Variants in ABHD12 observed in about 807,000 individuals in gnomAD.
ABHD12 encodes abhydrolase domain containing 12, lysophospholipase, also known as lysophosphatidylserine lipase ABHD12.
Under a neutral mutation model 58.3 loss-of-function variants are expected in ABHD12, and 43 were observed. That is an observed-to-expected ratio of 0.74 (90% CI 0.58 to 0.95). ABHD12 has a LOEUF of 0.95. Among genes scored for constraint, ABHD12 ranks in the 40% least tolerant of loss-of-function variants. ABHD12 has a pLI of 0.00. For synonymous variants in ABHD12, 219 were observed against 211.2 expected (o/e 1.04, Z -0.32); for missense variants, 539 against 537.2 (o/e 1.00, Z -0.03).
chr20:25,295,124 C>G (rs1887708207), intron 12 of ABHD12: 1 of 1,328,276 alleles, frequency 7.5e-7, no homozygotes. Context: ...TTTGTAGATT[C>G]ATAAATCTGG....
intron 11 of ABHD12, chr20:25,303,188 T>C (rs1195506815): frequency 2.5e-6 from 3 of 1,177,810 alleles, no homozygotes; most frequent in South Asian, 1.6e-5. Flanking sequence ...CTTCAGCCCA[T>C]AACTGATGAG....
intron 1 of ABHD12, among the ~76,000 whole-genome samples, chr20:25,371,462 AT>A (rs2089899310): frequency 1.3e-5 from 2 of 152,134 alleles, no homozygotes; most frequent in African/African-American, 4.8e-5. Flanking sequence ...AACCCTATTC[AT>A]CTCTCTTCAG....
At chr20:25,296,408 C>T (rs201327714), downstream of ABHD12, 236 of 1,614,076 alleles carry the variant, frequency 1.5e-4, no homozygotes, top group South Asian at 1.9e-3. Context: ...TCAGGAACAT[C>T]GCCTGCTCGG....
At chr20:25,315,082 G>A (rs2088935025) in intron 5 of ABHD12, 112 bp from the exon 6 acceptor site, 12 of 1,131,446 alleles carry the variant, frequency 1.1e-5, no homozygotes, top group Middle Eastern at 1.9e-4. Context: ...TGTACGTAGT[G>A]GCAGCTTCAT....
At chr20:25,322,379 A>ATTTTTTTTTT (rs1290185808) in intron 3 of ABHD12, among the ~76,000 whole-genome samples, 1 of 53,718 alleles carries the variant, frequency 1.9e-5, no homozygotes, top group Non-Finnish European at 3.7e-5. Flanking sequence ...ATATATATAT[A>ATTTTTTTTTT]TATTTTTTTT....
At chr20:25,385,092 C>T (rs1166208350) in intron 1 of ABHD12, among the ~76,000 whole-genome samples, 1 of 152,144 alleles carries the variant, frequency 6.6e-6, no homozygotes, top group Non-Finnish European at 1.5e-5. Flanking sequence ...AATCCCAACA[C>T]TTTGGGAGGC....
At chr20:25,366,888 C>A (rs2089829459) in intron 1 of ABHD12, among the ~76,000 whole-genome samples, 1 of 152,180 alleles carries the variant, frequency 6.6e-6, no homozygotes, top group African/African-American at 2.4e-5. Context: ...GAGCTGAGCA[C>A]TGTAGCATGG....
chr20:25,303,636 A>T lies in ABHD12; in HGVS notation c.951-8T>A. 2 of 1,613,446 alleles carry T rather than the reference A, an allele frequency of 1.2e-6. No homozygotes were observed. The highest frequency in any genetic ancestry group is 1.7e-6 in the Non-Finnish European group (2 of 1,179,942). ...CAGGAGATGTGCTTCACGCTGTAGG[A>T]GGGAGAAGGGGCTAGACCAAGACCA... On this transcript the variant is annotated splice_polypyrimidine_tract_variant and splice_region_variant and intron_variant, in intron 10 of 12. Coordinates refer to ENST00000339157, the MANE Select transcript of ABHD12 (RefSeq NM_001042472.3).
Position 25,308,447 on chromosome 20 carries a change from AG to A in ABHD12, c.787+9del. On this transcript the variant is annotated intron_variant, in intron 8 of 12. Transcript: ENST00000339157. ...TCACTGCCACGGCTGGGGCCCAACA[AG>A]GCACTCACCTCGCTCACAGAGGCGC... The A allele has an allele frequency of 6.2e-7, 1 of 1,611,096 alleles. No individual in the cohort carries two copies. Among genetic ancestry groups the A allele is most frequent in the Non-Finnish European group, 8.5e-7 (1 of 1,178,942 alleles).
chr20:25,359,217 C>T (rs959732443), intron 1 of ABHD12, among the ~76,000 whole-genome samples: 9 of 150,880 alleles, frequency 6.0e-5, no homozygotes, highest in Non-Finnish European at 1.0e-4. Context: ...GTCAGGAGAT[C>T]GAGACCATCC....
intron 6 of ABHD12, among the ~76,000 whole-genome samples, chr20:25,310,901 T>C (rs1220737934): frequency 1.3e-5 from 2 of 152,130 alleles, no homozygotes; most frequent in Non-Finnish European, 2.9e-5. Flanking sequence ...AAGTGCTGCG[T>C]GGGATTTCAT....
At chr20:25,388,780 A>AC (rs1568783127) in intron 1 of ABHD12, among the ~76,000 whole-genome samples, 7 of 105,926 alleles carry the variant, frequency 6.6e-5, no homozygotes, top group Non-Finnish European at 7.9e-5. Flanking sequence ...AAACAATTTG[A>AC]TTTTTTCTTT....
Position 25,300,808 on chromosome 20 carries a change from G to A in ABHD12, c.*37C>T, listed in dbSNP as rs763902114. 9 of 1,613,812 alleles carry A rather than the reference G, an allele frequency of 5.6e-6. No individual in the cohort carries two copies. The highest frequency in any genetic ancestry group is 7.6e-6 in the Non-Finnish European group (9 of 1,179,940). On this transcript the variant is annotated 3_prime_UTR_variant, in exon 13 of 13. Coordinates refer to ENST00000339157, the MANE Select transcript of ABHD12 (RefSeq NM_001042472.3). ...TGCTGACTGGAGGAAAACGGGAGGA[G>A]GGCAGAGGTCTTCATGCTTCCTTCC...
intron 1 of ABHD12, among the ~76,000 whole-genome samples, chr20:25,346,651 T>C (rs900945189): frequency 6.6e-6 from 1 of 152,116 alleles, no homozygotes; most frequent in African/African-American, 2.4e-5. Flanking sequence ...ATAAAGTTTA[T>C]TTATTTATTT....
intron 2 of ABHD12, among the ~76,000 whole-genome samples, chr20:25,335,171 A>C (rs1482939081): frequency 1.3e-5 from 2 of 152,230 alleles, no homozygotes; most frequent in Non-Finnish European, 2.9e-5. Flanking sequence ...TTCTCAAAAG[A>C]AGACAGTTAT....
rs1220906821 is a variant in ABHD12 at position 25,313,137 on chromosome 20, T to C, written c.619+1788A>G. 4.2e-4 allele frequency among the ~76,000 whole-genome samples: 64 copies of C among 152,362 alleles called. No homozygotes were observed. In the East Asian group the frequency reaches 0.012, roughly 28 times the overall value. On this transcript the variant is annotated intron_variant, in intron 6 of 12. Coordinates refer to ENST00000339157, the MANE Select transcript of ABHD12 (RefSeq NM_001042472.3). ...TGATGACGATGGCGGTTTTGTCGAA[T>C]AGAAAAGGGGGAAATGTGGGGAAAA...
At chr20:25,304,256 C>T (rs902883653) in intron 10 of ABHD12, among the ~76,000 whole-genome samples, 3 of 152,254 alleles carry the variant, frequency 2.0e-5, no homozygotes, top group Non-Finnish European at 2.9e-5. Flanking sequence ...GAGCAGGACC[C>T]GGTGGGGAGC....
intron 1 of ABHD12, among the ~76,000 whole-genome samples, chr20:25,361,300 T>C (rs1214188531): frequency 2.6e-5 from 4 of 152,246 alleles, no homozygotes; most frequent in Non-Finnish European, 4.4e-5. Context: ...CTTTTCAATA[T>C]TGTATGTTCT....
chr20:25,383,918 G>T (rs2146138605), intron 1 of ABHD12, among the ~76,000 whole-genome samples: 1 of 135,460 alleles, frequency 7.4e-6, no homozygotes, highest in South Asian at 2.3e-4. Flanking sequence ...TCACGCCACT[G>T]CCCTCCAGCC....
Sources: gnomAD v4.1 joint callset for allele counts (sites outside exome capture counted in the v4.1 genomes callset) on GRCh38, gnomAD v4.1.1 for gene constraint, MANE v1.5 for transcripts, NCBI Gene and HGNC (gene_info 2026-07-23, HGNC 2026-07-21) for gene names.